Variants in FTCDNL1 observed in about 807,000 individuals in gnomAD.
FTCDNL1 encodes the protein formiminotransferase cyclodeaminase N-terminal like.
A neutral mutation model predicts 5.9 loss-of-function variants in FTCDNL1; 11 were observed. That is an observed-to-expected ratio of 1.87 (90% confidence interval 1.18 to 3.10). FTCDNL1 has a LOEUF of 3.10. FTCDNL1 is among the 30% of genes most tolerant of loss of function. The probability of loss-of-function intolerance (pLI) is 0.00; values close to 1 mark genes in which losing one functional copy is unlikely to be tolerated. For synonymous variants in FTCDNL1, 58 were observed against 24.8 expected, an observed-to-expected ratio of 2.34 and a Z score of -3.99; for missense variants, 115 against 65.5, an observed-to-expected ratio of 1.76 and a Z score of -2.61.
the FTCDNL1 span, among the ~76,000 whole-genome samples, chr2:199,698,378 G>A: frequency 6.6e-6 from 1 of 152,126 alleles, no homozygotes; most frequent in African/African-American, 2.4e-5. Flanking sequence ...CGACCACACA[G>A]TTGGCCATAA....
At chr2:199,822,651 G>A (rs6748716) in intron 3 of FTCDNL1, among the ~76,000 whole-genome samples, 8,883 of 152,154 alleles carry the variant, frequency 0.058, 576 homozygotes, top group Admixed American at 0.13. Flanking sequence ...TATTTTACCC[G>A]CAGTAAAACT....
At chr2:199,847,481 A>G (rs1448302254) in intron 2 of FTCDNL1, among the ~76,000 whole-genome samples, 2 of 152,206 alleles carry the variant, frequency 1.3e-5, no homozygotes, top group Non-Finnish European at 2.9e-5. Flanking sequence ...TCTCAGTTTC[A>G]TATGATTCAA....
chr2:199,709,213 C>CT, the FTCDNL1 span, among the ~76,000 whole-genome samples: 1 of 152,066 alleles, frequency 6.6e-6, no homozygotes, highest in Non-Finnish European at 1.5e-5. Flanking sequence ...AATCTATTGG[C>CT]TGGGCAGTTG....
chr2:199,687,052 T>C, the FTCDNL1 span, among the ~76,000 whole-genome samples: 1 of 152,250 alleles, frequency 6.6e-6, no homozygotes, highest in Non-Finnish European at 1.5e-5. Context: ...CTCTAAAACC[T>C]GTTATTTTGT....
At chr2:199,763,672 C>A (rs563862799) in intron 3 of FTCDNL1, among the ~76,000 whole-genome samples, 8 of 152,072 alleles carry the variant, frequency 5.3e-5, no homozygotes, top group African/African-American at 1.9e-4. Context: ...GACCTCTCCC[C>A]CTATTCAATG....
At chr2:199,803,424 G>GA (rs1317435747) in intron 3 of FTCDNL1, among the ~76,000 whole-genome samples, 1 of 150,096 alleles carries the variant, frequency 6.7e-6, no homozygotes, top group Non-Finnish European at 1.5e-5. Flanking sequence ...GGAGATCTGA[G>GA]AATGTGGGTC....
downstream of FTCDNL1, among the ~76,000 whole-genome samples, chr2:199,804,573 G>T (rs1700627056): frequency 6.6e-6 from 1 of 152,076 alleles, no homozygotes; most frequent in Admixed American, 6.5e-5. Flanking sequence ...CCTACTGGTG[G>T]AAAAAATAGC....
intron 3 of FTCDNL1, among the ~76,000 whole-genome samples, chr2:199,839,743 G>A (rs184999779): frequency 9.2e-5 from 14 of 152,194 alleles, no homozygotes; most frequent in African/African-American, 3.4e-4. Context: ...GGTTTCAGAA[G>A]TCTCAATAGC....
At chr2:199,804,306 T>C (rs1359789549), downstream of FTCDNL1, among the ~76,000 whole-genome samples, 1 of 152,144 alleles carries the variant, frequency 6.6e-6, no homozygotes, top group Non-Finnish European at 1.5e-5. Flanking sequence ...ACCCAGAGGT[T>C]TGGGAAAGGC....
chr2:199,825,250 G>A (rs2106543123), intron 3 of FTCDNL1, among the ~76,000 whole-genome samples: 1 of 152,260 alleles, frequency 6.6e-6, no homozygotes, highest in South Asian at 2.1e-4. Context: ...AACACACGCT[G>A]TTGGAAACAT....
downstream of FTCDNL1, among the ~76,000 whole-genome samples, chr2:199,806,974 T>C (rs918418385): frequency 2.6e-5 from 4 of 152,196 alleles, no homozygotes; most frequent in African/African-American, 9.7e-5. Flanking sequence ...GAAGCACATA[T>C]TCCATACATT....
chr2:199,740,208 A>G, the FTCDNL1 span, among the ~76,000 whole-genome samples: 2 of 152,238 alleles, frequency 1.3e-5, no homozygotes, highest in South Asian at 2.1e-4. Flanking sequence ...ATGAGCTACC[A>G]TCACTGGCAA....
At chr2:199,731,127 A>G in the FTCDNL1 span, among the ~76,000 whole-genome samples, 5 of 152,184 alleles carry the variant, frequency 3.3e-5, no homozygotes, top group Non-Finnish European at 5.9e-5. Context: ...CTCACTCACA[A>G]GTGGGAGTTG....
the FTCDNL1 span, among the ~76,000 whole-genome samples, chr2:199,746,617 A>G: frequency 6.6e-6 from 1 of 151,846 alleles, no homozygotes; most frequent in Non-Finnish European, 1.5e-5. Flanking sequence ...CCGAATGTCA[A>G]GCTGGTTTTG....
At chr2:199,684,362 T>C in the FTCDNL1 span, among the ~76,000 whole-genome samples, 82,177 of 152,032 alleles carry the variant, frequency 0.54, 24,376 homozygotes, top group South Asian at 0.7. Flanking sequence ...CAGATGGCGC[T>C]ATAAATACCC....
At chr2:199,819,855 C>G in intron 3 of FTCDNL1, 98 bp from the exon 4 acceptor site, 6 of 621,956 alleles carry the variant, frequency 9.6e-6, no homozygotes, top group Non-Finnish European at 1.7e-5. Context: ...ACATATTTAA[C>G]ATAGAACTCA....
chr2:199,802,907 C>T (rs1700529801), intron 3 of FTCDNL1, among the ~76,000 whole-genome samples: 1 of 151,900 alleles, frequency 6.6e-6, no homozygotes, highest in South Asian at 2.1e-4. Flanking sequence ...TGGGCAAGAA[C>T]TCAGAATATG....
chr2:199,728,530 G>A, the FTCDNL1 span, among the ~76,000 whole-genome samples: 1 of 152,146 alleles, frequency 6.6e-6, no homozygotes, highest in Admixed American at 6.5e-5. Context: ...TTACAGGCGT[G>A]AGCCACCATG....
At chr2:199,673,159 C>T in the FTCDNL1 span, among the ~76,000 whole-genome samples, 32 of 151,866 alleles carry the variant, frequency 2.1e-4, no homozygotes, top group African/African-American at 7.0e-4. Context: ...GAAACCCCGT[C>T]TCTACTAAAA....
Sources: gnomAD v4.1 joint callset for allele counts (sites outside exome capture counted in the v4.1 genomes callset) on GRCh38, gnomAD v4.1.1 for gene constraint, MANE v1.5 for transcripts, NCBI Gene and HGNC (gene_info 2026-07-23, HGNC 2026-07-21) for gene names.